The following SLC25A21 variants were observed in gnomAD, a reference collection of about 807,000 sequenced individuals.
The protein encoded by SLC25A21 is solute carrier family 25 member 21.
SLC25A21 carries 47 observed loss-of-function variants against 43.8 expected under a neutral mutation model. That is an observed-to-expected ratio of 1.07 (90% CI 0.85 to 1.37). The LOEUF is 1.37. SLC25A21 is among the 40% of genes most tolerant of loss of function. SLC25A21 has a pLI of 0.00. For missense variants in SLC25A21, 352 were observed against 350.2 expected, an observed-to-expected ratio of 1.00 and a Z score of -0.04; for synonymous variants, 131 against 121.3, an observed-to-expected ratio of 1.08 and a Z score of -0.52.
At chr14:36,705,784 TCAGATTTCCTTGGAACAA>T (rs2139178483) in intron 7 of SLC25A21, among the ~76,000 whole-genome samples, 1 of 152,284 alleles carries the variant, frequency 6.6e-6, no homozygotes, top group Admixed American at 6.5e-5. Flanking sequence ...GCGTGAAATC[TCAGATTTCCTTGGAACAA>T]CAGAATGACC....
At chr14:37,044,647 G>A (rs909697770) in intron 1 of SLC25A21, among the ~76,000 whole-genome samples, 9 of 152,228 alleles carry the variant, frequency 5.9e-5, no homozygotes, top group Non-Finnish European at 5.9e-5. Flanking sequence ...GAATTTTGAT[G>A]TACATTATTG....
intron 1 of SLC25A21, among the ~76,000 whole-genome samples, chr14:37,131,121 A>G (rs1465538600): frequency 1.3e-5 from 2 of 152,200 alleles, no homozygotes; most frequent in African/African-American, 4.8e-5. Context: ...CAAACTCTAC[A>G]CTTATAATTT....
At position 37,163,198 on chromosome 14, in the gene SLC25A21, G is replaced by A. The variant is rs1222576393; in HGVS notation, c.70+9083C>T. ...GGAGATATACCTAATGCTAGATGAC[G>A]AGTTAGTGGGTGCAGCGCACCAGCA... is the stretch of plus-strand genomic sequence containing the variant. On this transcript the variant is annotated intron_variant, in intron 1 of 9. Coordinates refer to ENST00000331299, the MANE Select transcript of SLC25A21 (RefSeq NM_030631.4). Among the ~76,000 whole-genome samples the A allele has an allele frequency of 6.6e-5, 10 of 151,900 alleles. No homozygotes were observed. In the East Asian group the frequency reaches 1.2e-3, roughly 18 times the overall value.
intron 5 of SLC25A21, among the ~76,000 whole-genome samples, chr14:36,726,465 GAAA>G (rs902351504): frequency 6.6e-6 from 1 of 151,658 alleles, no homozygotes; most frequent in African/African-American, 2.4e-5. Flanking sequence ...AGAAGAAGAA[GAAA>G]AAGAAGAAAA....
chr14:36,859,566 G>T (rs1351925440), intron 2 of SLC25A21, among the ~76,000 whole-genome samples: 2 of 152,126 alleles, frequency 1.3e-5, no homozygotes, highest in African/African-American at 4.8e-5. Flanking sequence ...ACAATGAACA[G>T]GACTGGGAGA....
chr14:37,068,260 G>A (rs1050185587), intron 1 of SLC25A21, among the ~76,000 whole-genome samples: 15 of 152,200 alleles, frequency 9.9e-5, no homozygotes, highest in Non-Finnish European at 2.1e-4. Context: ...CCTGATGAAA[G>A]GGAAGCCAAC....
intron 2 of SLC25A21, among the ~76,000 whole-genome samples, chr14:36,854,696 T>C (rs1889846182): frequency 1.3e-5 from 2 of 152,140 alleles, no homozygotes; most frequent in Non-Finnish European, 2.9e-5. Flanking sequence ...CTGGTGTAGA[T>C]AGAATGAAAG....
chr14:36,685,049 C>T lies in SLC25A21; in HGVS notation c.604-124G>A, dbSNP rs141855997. 3.7e-5 allele frequency: 24 copies of T among 655,522 alleles called. 1 individual carries two copies. In the South Asian group the frequency reaches 4.2e-4, roughly 11 times the overall value. 40.6% of individuals were successfully genotyped at this position (655,522 alleles called of 1,614,324 possible). A position where few individuals can be genotyped will look rare whatever the true frequency, so the allele number is the denominator to read the frequency against. On this transcript the variant is annotated intron_variant, in intron 7 of 9. Coordinates refer to ENST00000331299, the MANE Select transcript of SLC25A21 (RefSeq NM_030631.4). Reference sequence around the variant, plus strand: ...TCCCGGCACCCTCCTGTTATTCCAGCGGAACACATTAGGATTTCCTAGGCT... The same window carrying T: ...TCCCGGCACCCTCCTGTTATTCCAGTGGAACACATTAGGATTTCCTAGGCT...
chr14:36,859,931 CA>C, intron 2 of SLC25A21, among the ~76,000 whole-genome samples: 1 of 152,038 alleles, frequency 6.6e-6, no homozygotes, highest in Non-Finnish European at 1.5e-5. Context: ...ATTCATTCAC[CA>C]AGTGTTTATT....
chr14:37,011,215 T>G (rs1960724738), intron 1 of SLC25A21, among the ~76,000 whole-genome samples: 2 of 152,038 alleles, frequency 1.3e-5, no homozygotes, highest in Admixed American at 6.6e-5. Flanking sequence ...TAAAGATGAA[T>G]TCTTGTTATG....
rs375205905 is a variant in SLC25A21, at chr14:36,813,870, A to G, written c.203+48T>C. 29 of 1,319,506 alleles carry G rather than the reference A, an allele frequency of 2.2e-5. 1 individual carries two copies. The African/African-American group carries it at 3.7e-4, about 17-fold the overall frequency. 81.7% of individuals were successfully genotyped at this position (1,319,506 alleles called of 1,614,324 possible). On this transcript the variant is annotated intron_variant, in intron 3 of 9. Transcript: ENST00000331299. ...AATAAACCATTCGAAATGAGAAAAC[A>G]TGTTAAGTAGAAACATATTAAAATG...
At chr14:37,018,555 C>G (rs2022726) in intron 1 of SLC25A21, among the ~76,000 whole-genome samples, 48,770 of 151,936 alleles carry the variant, frequency 0.32, 8,002 homozygotes, top group Middle Eastern at 0.38. Context: ...CCAATCCAAT[C>G]CTAAACATGT....
chr14:37,108,988 G>A (rs1962969801), intron 1 of SLC25A21, among the ~76,000 whole-genome samples: 1 of 151,846 alleles, frequency 6.6e-6, no homozygotes, highest in Admixed American at 6.6e-5. Flanking sequence ...TAATTTATCA[G>A]CTCACTAAGT....
intron 3 of SLC25A21, among the ~76,000 whole-genome samples, chr14:36,745,391 T>C (rs2139248500): frequency 6.6e-6 from 1 of 152,322 alleles, no homozygotes; most frequent in South Asian, 2.1e-4. Context: ...ATGGTATTTC[T>C]TATTCTAGAT....
chr14:37,004,366 T>C (rs1313428682), intron 1 of SLC25A21, among the ~76,000 whole-genome samples: 1 of 152,212 alleles, frequency 6.6e-6, no homozygotes, highest in Non-Finnish European at 1.5e-5. Flanking sequence ...AAGAATGTTT[T>C]ATCTACTAAC....
At chr14:37,124,648 T>C (rs1963266488) in intron 1 of SLC25A21, among the ~76,000 whole-genome samples, 1 of 152,126 alleles carries the variant, frequency 6.6e-6, no homozygotes, top group Non-Finnish European at 1.5e-5. Flanking sequence ...AACATAAAAA[T>C]AAACTGTGAA....
At chr14:37,102,907 C>T (rs1962843580) in intron 1 of SLC25A21, among the ~76,000 whole-genome samples, 1 of 151,816 alleles carries the variant, frequency 6.6e-6, no homozygotes, top group Non-Finnish European at 1.5e-5. Flanking sequence ...ATCGCTTGAA[C>T]CCAGGAGGCA....
chr14:37,163,083 T>C (rs8020903), intron 1 of SLC25A21, among the ~76,000 whole-genome samples: 7,818 of 150,752 alleles, frequency 0.052, 676 homozygotes, highest in African/African-American at 0.18. Flanking sequence ...TAGGTGGGAA[T>C]TGAACAATGA....
intron 2 of SLC25A21, among the ~76,000 whole-genome samples, chr14:36,839,675 T>C (rs927425984): frequency 1.3e-5 from 2 of 152,208 alleles, no homozygotes; most frequent in African/African-American, 4.8e-5. Flanking sequence ...TACTTAATGA[T>C]GGGGACATGT....
Sources: allele counts gnomAD v4.1 joint callset (sites outside exome capture counted in the v4.1 genomes callset), GRCh38; gene constraint gnomAD v4.1.1; transcripts MANE v1.5; gene names NCBI Gene and HGNC (gene_info 2026-07-23, HGNC 2026-07-21).